PNPT1: variants seen among roughly 807,000 people sequenced by gnomAD.
The protein encoded by PNPT1 is polyribonucleotide nucleotidyltransferase 1.
A neutral mutation model predicts 119.5 loss-of-function variants in PNPT1; 53 were observed. The observed-to-expected ratio is 0.44, with a 90% CI of 0.36 to 0.56. The LOEUF (loss-of-function observed/expected upper bound fraction) is 0.56, where lower values mean the gene tolerates loss of function less well. Among genes scored for constraint, PNPT1 ranks in the 20% least tolerant of loss-of-function variants. The pLI, the probability that PNPT1 is intolerant of heterozygous loss-of-function variation, is 0.00. For synonymous variants in PNPT1, 357 were observed against 322.1 expected (o/e 1.11, Z -1.16); for missense variants, 948 against 938.5 (o/e 1.01, Z -0.13).
intron 15 of PNPT1, among the ~76,000 whole-genome samples, chr2:55,657,404 T>G (rs747708728): frequency 5.9e-5 from 9 of 152,190 alleles, no homozygotes; most frequent in Admixed American, 5.9e-4. Context: ...TTCTTTTTTT[T>G]TAAGACAGAG....
At chr2:55,658,115 C>A (rs2104079661) in intron 15 of PNPT1, among the ~76,000 whole-genome samples, 1 of 151,812 alleles carries the variant, frequency 6.6e-6, no homozygotes, top group East Asian at 1.9e-4. Context: ...TGCCTGTAGT[C>A]CCAGCTACTT....
At chr2:55,671,252 G>C (rs945569938) in intron 11 of PNPT1, 67 bp downstream of exon 11, 2 of 768,224 alleles carry the variant, frequency 2.6e-6, no homozygotes, top group South Asian at 2.4e-5. Context: ...CAAGAAGCAA[G>C]AGTCAGGCCA....
intron 15 of PNPT1, among the ~76,000 whole-genome samples, chr2:55,659,272 A>G (rs1196049592): frequency 2.6e-5 from 4 of 152,180 alleles, no homozygotes; most frequent in African/African-American, 9.7e-5. Flanking sequence ...TACATTCTTC[A>G]AATAATAAAA....
chr2:55,667,160 T>A, intron 12 of PNPT1, 67 bp from the exon 13 acceptor site: 2 of 1,243,572 alleles, frequency 1.6e-6, no homozygotes, highest in Non-Finnish European at 2.3e-6. Context: ...TGTCTTTATC[T>A]CTCCCAGGAA....
chr2:55,691,147 G>C (rs1697586364), intron 1 of PNPT1, among the ~76,000 whole-genome samples: 1 of 152,192 alleles, frequency 6.6e-6, no homozygotes, highest in South Asian at 2.1e-4. Flanking sequence ...AAGAAAAACT[G>C]TGAAAGCTAC....
intron 13 of PNPT1, among the ~76,000 whole-genome samples, chr2:55,664,531 G>A (rs952422145): frequency 2.0e-5 from 3 of 151,828 alleles, no homozygotes; most frequent in African/African-American, 4.8e-5. Context: ...TAACTCAGAA[G>A]TACAGCTAAA....
In PNPT1 at chr2:55,671,255, T is replaced by G. The variant is rs1696904208; in HGVS notation, c.976+64A>C. Reference sequence around the variant, plus strand: ...GACCTTTAATCCCAAGAAGCAAGAGTCAGGCCATGCCTTATTAAAGCTGCC... The same window carrying G: ...GACCTTTAATCCCAAGAAGCAAGAGGCAGGCCATGCCTTATTAAAGCTGCC... On this transcript the variant is annotated intron_variant, in intron 11 of 27. Transcript: ENST00000447944. 4 of 803,250 alleles carry G rather than the reference T, an allele frequency of 5.0e-6. No individual in the cohort carries two copies. In the Admixed American group the frequency reaches 1.4e-4, roughly 28 times the overall value. The allele number at this position is 803,250 out of a possible 1,614,324, so 49.8% of individuals were successfully genotyped here.
At chr2:55,654,054 C>T (rs1161695970) in intron 18 of PNPT1, among the ~76,000 whole-genome samples, 3 of 152,028 alleles carry the variant, frequency 2.0e-5, no homozygotes, top group African/African-American at 4.8e-5. Context: ...GTCAGGAGTT[C>T]GAGGTCAGCC....
intron 13 of PNPT1, among the ~76,000 whole-genome samples, chr2:55,664,549 T>C (rs940953795): frequency 6.6e-6 from 1 of 151,934 alleles, no homozygotes; most frequent in African/African-American, 2.4e-5. Context: ...AAAAAATAAA[T>C]AGGCAAATTA....
At chr2:55,664,998 T>G (rs1052916569) in intron 13 of PNPT1, among the ~76,000 whole-genome samples, 10 of 152,172 alleles carry the variant, frequency 6.6e-5, no homozygotes, top group Non-Finnish European at 1.2e-4. Context: ...TGTATCTAAA[T>G]TTTAAGATAA....
At position 55,693,732 on chromosome 2, in the gene PNPT1, G is replaced by C. The variant is rs768834953; in HGVS notation, c.92C>G (p.Thr31Ser). 9.3e-6 allele frequency: 15 copies of C among 1,614,184 alleles called. No individual in the cohort carries two copies. Among genetic ancestry groups the C allele is most frequent in the Non-Finnish European group, 1.3e-5 (15 of 1,180,042 alleles). The part of the protein sequence containing the change: ...FLLPRRDRAL[T>S]QLQVRALWSS... ...CCATAGTGCTCGCACTTGCAACTGG[G>C]TGAGTGCCCGATCCCGCCGTGGCAG... Residue 31 changes from threonine (T) to serine (S), a missense_variant, in exon 1 of 28, where the codon ACC (threonine) becomes AGC (serine). Coordinates refer to ENST00000447944, the MANE Select transcript of PNPT1 (RefSeq NM_033109.5).
intron 18 of PNPT1, among the ~76,000 whole-genome samples, chr2:55,654,302 T>C (rs1696314077): frequency 6.6e-6 from 1 of 152,118 alleles, no homozygotes; most frequent in Non-Finnish European, 1.5e-5. Context: ...CTTTCGTTTT[T>C]GGCGTTTCAG....
In PNPT1 at chr2:55,650,930, G is replaced by A. The variant is rs71372278; in HGVS notation, c.1496-3477C>T. The stretch of plus-strand genomic sequence containing the variant: ...AGCCCCCCGCCCGGCCAGCCGCCCC[G>A]TCCGGGAGGGAGGTGGGGGGATCAG... On this transcript the variant is annotated intron_variant, in intron 18 of 27. Transcript: ENST00000447944. Among the ~76,000 whole-genome samples, 26 of 148,740 alleles carry A rather than the reference G, an allele frequency of 1.7e-4. No individual in the cohort carries two copies. In the South Asian group the frequency reaches 2.4e-3, roughly 13 times the overall value.
chr2:55,676,640 T>C (rs1697081832), intron 8 of PNPT1, among the ~76,000 whole-genome samples: 1 of 152,100 alleles, frequency 6.6e-6, no homozygotes, highest in Admixed American at 6.5e-5. Flanking sequence ...GGCAGGTGGA[T>C]CACCTGAGGT....
chr2:55,666,964 ATAAT>A, intron 13 of PNPT1, 23 bp downstream of exon 13: 2 of 1,451,300 alleles, frequency 1.4e-6, no homozygotes, highest in Non-Finnish European at 1.9e-6. Flanking sequence ...AATTTAGCAA[ATAAT>A]TAGAGCTTTT....
intron 13 of PNPT1, 56 bp downstream of exon 13, chr2:55,666,935 G>T: frequency 8.7e-7 from 1 of 1,145,526 alleles, no homozygotes; most frequent in Non-Finnish European, 1.2e-6. Flanking sequence ...ACTTCTATTA[G>T]ATCTAATTAA....
intron 18 of PNPT1, among the ~76,000 whole-genome samples, chr2:55,652,926 C>T (rs1485256355): frequency 2.0e-5 from 3 of 152,214 alleles, no homozygotes; most frequent in Admixed American, 6.5e-5. Context: ...TGGCTCACTG[C>T]AGCCTCCGCC....
intron 1 of PNPT1, 125 bp downstream of exon 1, chr2:55,693,538 G>C: frequency 7.3e-7 from 1 of 1,367,452 alleles, no homozygotes; most frequent in Non-Finnish European, 1.0e-6. Context: ...TTGGAATTTA[G>C]GTTTAGGGTA....
rs764882684 is a variant in PNPT1, at chr2:55,644,693, C to T, written c.1850G>A (p.Arg617Gln). The T allele has an allele frequency of 2.5e-6, 4 of 1,611,816 alleles. No individual in the cohort carries two copies. Among genetic ancestry groups the T allele is most frequent in the Non-Finnish European group, 1.7e-6 (2 of 1,178,416 alleles). The change falls in exon 23 of 28, where the codon CGA (arginine) becomes CAA (glutamine). Residue 617 changes from arginine to glutamine, a missense_variant. Arg to Gln is a conservative substitution (Grantham distance 43, BLOSUM62 1). Coordinates refer to ENST00000447944, the MANE Select transcript of PNPT1 (RefSeq NM_033109.5). ...GCCACCAGGTCCAACAAATTTTGCT[C>T]GTTTTGATAATGGAACCTGAACAGT... ...VETVQVPLSK[R>Q]AKFVGPGGYN... is the part of the protein sequence containing the mutation.
Sources: gnomAD v4.1 joint callset for allele counts (sites outside exome capture counted in the v4.1 genomes callset) on GRCh38, gnomAD v4.1.1 for gene constraint, MANE v1.5 for transcripts, NCBI Gene and HGNC (gene_info 2026-07-23, HGNC 2026-07-21) for gene names.